Variants in CAST observed in about 807,000 individuals in gnomAD.
CAST encodes the protein calpastatin, also known as MIR583 host.
A neutral mutation model predicts 119.6 loss-of-function variants in CAST; 76 were observed. The observed-to-expected ratio is 0.64, with a 90% confidence interval of 0.53 to 0.77. CAST has a LOEUF of 0.77. CAST is among the 30% of genes least tolerant of loss of function. The probability of loss-of-function intolerance (pLI) is 0.00; values close to 1 mark genes in which losing one functional copy is unlikely to be tolerated. For synonymous variants in CAST, 319 were observed against 331.6 expected (o/e 0.96, Z 0.41); for missense variants, 953 against 946.5 (o/e 1.01, Z -0.09).
At chr5:96,168,657 G>T in the CAST span, among the ~76,000 whole-genome samples, 1 of 152,178 alleles carries the variant, frequency 6.6e-6, no homozygotes, top group South Asian at 2.1e-4. Context: ...TGTGATCAGG[G>T]TGAGAAACAG....
chr5:96,119,640 G>C, the CAST span, among the ~76,000 whole-genome samples: 8 of 152,288 alleles, frequency 5.3e-5, no homozygotes. Flanking sequence ...TCTAAAGAAA[G>C]TGAAAAGAAT....
the CAST span, among the ~76,000 whole-genome samples, chr5:96,483,552 G>T: frequency 2.0e-5 from 3 of 152,106 alleles, no homozygotes; most frequent in East Asian, 3.8e-4. Flanking sequence ...ATTTATCAAA[G>T]AATTATTCTG....
At chr5:96,118,188 A>G in the CAST span, among the ~76,000 whole-genome samples, 1 of 152,070 alleles carries the variant, frequency 6.6e-6, no homozygotes, top group Non-Finnish European at 1.5e-5. Context: ...TTGTAGAGAA[A>G]GCTTTGAAAT....
At chr5:96,666,352 A>G (rs560521711) in intron 1 of CAST, among the ~76,000 whole-genome samples, 2 of 152,318 alleles carry the variant, frequency 1.3e-5, no homozygotes, top group Admixed American at 1.3e-4. Flanking sequence ...ACGAAGGTTA[A>G]TTTGGCCCAC....
the CAST span, among the ~76,000 whole-genome samples, chr5:96,183,633 C>T: frequency 3.3e-5 from 5 of 152,010 alleles, no homozygotes; most frequent in East Asian, 1.9e-4. Context: ...GAAAGAGCTT[C>T]GGGACTTGCA....
the CAST span, among the ~76,000 whole-genome samples, chr5:96,124,516 T>C: frequency 6.6e-6 from 1 of 152,092 alleles, no homozygotes; most frequent in Non-Finnish European, 1.5e-5. Flanking sequence ...CATCCAACTA[T>C]ATGGTTGACT....
At chr5:96,297,923 A>G in the CAST span, among the ~76,000 whole-genome samples, 1 of 152,170 alleles carries the variant, frequency 6.6e-6, no homozygotes, top group Non-Finnish European at 1.5e-5. Flanking sequence ...TTCATCTCCT[A>G]TGGTCTTTTT....
chr5:96,699,972 G>A (rs977054959), intron 3 of CAST, among the ~76,000 whole-genome samples: 1 of 152,174 alleles, frequency 6.6e-6, no homozygotes, highest in Non-Finnish European at 1.5e-5. Context: ...GAAGGAATAA[G>A]CACCTATCAG....
intron 1 of CAST, among the ~76,000 whole-genome samples, chr5:96,538,084 C>G (rs556710104): frequency 6.6e-5 from 10 of 152,266 alleles, no homozygotes; most frequent in Non-Finnish European, 1.3e-4. Flanking sequence ...GCAATCTACA[C>G]ACAAGGCAAA....
At chr5:96,557,921 C>T (rs547575788) in intron 1 of CAST, among the ~76,000 whole-genome samples, 2 of 152,140 alleles carry the variant, frequency 1.3e-5, no homozygotes, top group Non-Finnish European at 2.9e-5. Flanking sequence ...AGCACCACAC[C>T]ACACCTATTC....
At chr5:96,386,178 T>A in the CAST span, among the ~76,000 whole-genome samples, 2 of 152,146 alleles carry the variant, frequency 1.3e-5, no homozygotes, top group South Asian at 2.1e-4. Context: ...CTTTAGAAAT[T>A]TTTTTTTGTT....
chr5:96,733,954 T>C (rs1761122334), intron 9 of CAST, among the ~76,000 whole-genome samples: 1 of 152,134 alleles, frequency 6.6e-6, no homozygotes, highest in African/African-American at 2.4e-5. Flanking sequence ...CTGGCCTGTC[T>C]AGGGGGTGGG....
At chr5:96,737,202 C>A (rs547434782) in intron 10 of CAST, among the ~76,000 whole-genome samples, 1 of 152,276 alleles carries the variant, frequency 6.6e-6, no homozygotes, top group East Asian at 1.9e-4. Context: ...TGAGCCAAAC[C>A]ATATCAGTTA....
In CAST at chr5:96,722,627, T is replaced by C. The variant is rs1758495963; in HGVS notation, c.211-12T>C. 6.2e-7 allele frequency: 1 copy of C among 1,604,122 alleles called. No homozygotes were observed. The highest frequency in any genetic ancestry group is 1.3e-5 in the African/African-American group (1 of 74,712). ...TAGAATCGAACTTTCTATTTCTTTCTTTCCTTTCTAGGTGTCAGCTTCCTC... is the reference window on the plus strand; with the variant it reads ...TAGAATCGAACTTTCTATTTCTTTCCTTCCTTTCTAGGTGTCAGCTTCCTC... On this transcript the variant is annotated splice_polypyrimidine_tract_variant and intron_variant, in intron 3 of 31. Transcript: ENST00000675179.
At chr5:96,557,463 C>A (rs999160206) in intron 1 of CAST, among the ~76,000 whole-genome samples, 2 of 151,894 alleles carry the variant, frequency 1.3e-5, no homozygotes, top group African/African-American at 4.8e-5. Flanking sequence ...TTCAGGAAAC[C>A]CATATCATGT....
chr5:96,021,699 G>C, the CAST span, among the ~76,000 whole-genome samples: 3 of 151,994 alleles, frequency 2.0e-5, no homozygotes, highest in Non-Finnish European at 2.9e-5. Context: ...TCCCTCCTTG[G>C]CCTCCCAAAG....
chr5:96,093,039 T>C, the CAST span, among the ~76,000 whole-genome samples: 2,111 of 152,306 alleles, frequency 0.014, 38 homozygotes, highest in African/African-American at 0.047. Context: ...GATATTGTTA[T>C]TCTTAATTTA....
intron 3 of CAST, among the ~76,000 whole-genome samples, chr5:96,700,002 G>A (rs1753700533): frequency 6.6e-6 from 1 of 152,150 alleles, no homozygotes. Flanking sequence ...TTCGTGATTT[G>A]GGTCCTGAGT....
the CAST span, among the ~76,000 whole-genome samples, chr5:96,236,146 C>T: frequency 6.6e-6 from 1 of 151,296 alleles, no homozygotes; most frequent in Non-Finnish European, 1.5e-5. Flanking sequence ...TCTATCCATC[C>T]ATCCATCTAT....
Sources: gnomAD v4.1 joint callset for allele counts (sites outside exome capture counted in the v4.1 genomes callset) on GRCh38, gnomAD v4.1.1 for gene constraint, MANE v1.5 for transcripts, NCBI Gene and HGNC (gene_info 2026-07-23, HGNC 2026-07-21) for gene names.